Variants in MTFR1 observed in about 807,000 individuals in gnomAD.
MTFR1 encodes chondrocyte protein with a poly-proline region.
Under a neutral mutation model 38.8 loss-of-function variants are expected in MTFR1, and 28 were observed. The ratio of observed to expected loss-of-function variants is 0.72; its 90% CI spans 0.53 to 0.99. The LOEUF is 0.99. Ranked by LOEUF, MTFR1 falls within the 50% of genes least tolerant of loss-of-function variation. The pLI, the probability that MTFR1 is intolerant of heterozygous loss-of-function variation, is 0.00. For missense variants in MTFR1, 358 were observed against 395.5 expected (o/e 0.91, Z 0.81); for synonymous variants, 145 against 137.0 (o/e 1.06, Z -0.41).
At chr8:65,681,163 C>T (rs1406710333) in intron 2 of MTFR1, among the ~76,000 whole-genome samples, 6 of 151,984 alleles carry the variant, frequency 3.9e-5, no homozygotes, top group Admixed American at 2.6e-4. Context: ...CCACCCGCCT[C>T]GGCCTCCCAA....
intron 6 of MTFR1, 81 bp from the exon 7 acceptor site, chr8:65,707,762 A>G (rs532211403): frequency 2.0e-6 from 3 of 1,534,688 alleles, no homozygotes; most frequent in African/African-American, 2.7e-5. Context: ...AGGTGCTGTC[A>G]GGCAAAAGGT....
chr8:65,731,966 A>ATATTATTAT (rs137999443), intron 3 of MTFR1, among the ~76,000 whole-genome samples: 1 of 151,062 alleles, frequency 6.6e-6, no homozygotes, highest in African/African-American at 2.4e-5. Context: ...GTCATTCTCT[A>ATATTATTAT]TATTATTATT....
At chr8:65,664,610 G>GTTTTT in intron 1 of MTFR1, among the ~76,000 whole-genome samples, 1 of 129,786 alleles carries the variant, frequency 7.7e-6, no homozygotes. Flanking sequence ...GTTTTCCTTT[G>GTTTTT]TTTTTTTTTT....
intron 1 of MTFR1, among the ~76,000 whole-genome samples, chr8:65,655,970 C>CTATATATATATATAT (rs1809252480): frequency 3.7e-5 from 2 of 53,636 alleles, no homozygotes; most frequent in Admixed American, 2.6e-4. Flanking sequence ...ATATATATAC[C>CTATATATATATATAT]ATATATATAT....
downstream of MTFR1, among the ~76,000 whole-genome samples, chr8:65,710,958 A>C: frequency 6.6e-6 from 1 of 150,864 alleles, no homozygotes; most frequent in East Asian, 2.0e-4. Context: ...GTTTTGTCTG[A>C]GTTCTGATTG....
In MTFR1 at chr8:65,692,642, C is replaced by CT. The variant is rs1258719290; in HGVS notation, c.166-991dup. Among the ~76,000 whole-genome samples, 228 of 145,038 alleles carry CT rather than the reference C, an allele frequency of 1.6e-3. 1 individual carries two copies. Among genetic ancestry groups the CT allele is most frequent in the Middle Eastern group, 3.6e-3 (1 of 274 alleles). On this transcript the variant is annotated intron_variant, in intron 3 of 7. Coordinates refer to ENST00000262146, the MANE Select transcript of MTFR1 (RefSeq NM_014637.4). ...GGCAGGAACCACTGCACCTGGCTGT[C>CT]TTTTTTTTTTTGTATTTATTTCAAA... is the stretch of plus-strand genomic sequence containing the variant.
chr8:65,663,595 C>T (rs1230701799), intron 1 of MTFR1, among the ~76,000 whole-genome samples: 3 of 149,536 alleles, frequency 2.0e-5, no homozygotes, highest in Non-Finnish European at 1.5e-5. Flanking sequence ...TCTCAAAATA[C>T]CCCCAAAATG....
chr8:65,725,634 T>A (rs530738230), intron 3 of MTFR1: 57 of 152,270 alleles, frequency 3.7e-4, no homozygotes, highest in African/African-American at 1.3e-3. Context: ...CCATAGCAAA[T>A]ACTATCTCTG....
chr8:65,764,703 A>T (rs181130163), intron 3 of MTFR1, among the ~76,000 whole-genome samples: 7 of 152,364 alleles, frequency 4.6e-5, no homozygotes, highest in Admixed American at 3.9e-4. Flanking sequence ...AGCTTTTAAG[A>T]AACATCTTCT....
intron 1 of MTFR1, among the ~76,000 whole-genome samples, chr8:65,658,698 T>A (rs888824233): frequency 5.3e-5 from 8 of 152,190 alleles, no homozygotes; most frequent in Non-Finnish European, 7.3e-5. Context: ...GCAATTTTTT[T>A]AAAAACCTTA....
chr8:65,649,309 C>T lies in MTFR1; in HGVS notation c.-81+4525C>T, dbSNP rs145759929. Among the ~76,000 whole-genome samples, 503 of 152,132 alleles carry T rather than the reference C, an allele frequency of 3.3e-3. 3 individuals are homozygous for T. The highest frequency in any genetic ancestry group is 0.011 in the African/African-American group (476 of 41,496). On this transcript the variant is annotated intron_variant, in intron 1 of 7. Coordinates refer to ENST00000262146, the MANE Select transcript of MTFR1 (RefSeq NM_014637.4). Reference sequence around the variant, plus strand: ...AAGTGATTCTCCAGCTTCAGCCTCCCGAGTAGCTGGGATTACAGGACCCCG... The same window carrying T: ...AAGTGATTCTCCAGCTTCAGCCTCCTGAGTAGCTGGGATTACAGGACCCCG...
chr8:65,741,700 A>C (rs1470712575), intron 3 of MTFR1, among the ~76,000 whole-genome samples: 1 of 152,260 alleles, frequency 6.6e-6, no homozygotes, highest in East Asian at 1.9e-4. Context: ...GAAGTGAACA[A>C]CGTGTCTGTT....
At chr8:65,655,767 T>C (rs1316417733) in intron 1 of MTFR1, among the ~76,000 whole-genome samples, 5 of 150,856 alleles carry the variant, frequency 3.3e-5, no homozygotes, top group Admixed American at 6.6e-5. Context: ...CTGGCCAACA[T>C]TGTGAAACCC....
chr8:65,661,608 G>C (rs1809416034), intron 1 of MTFR1, among the ~76,000 whole-genome samples: 1 of 152,070 alleles, frequency 6.6e-6, no homozygotes, highest in Non-Finnish European at 1.5e-5. Context: ...CAGCCTGGGT[G>C]ACAGAGCGAG....
intron 1 of MTFR1, among the ~76,000 whole-genome samples, chr8:65,654,436 T>C (rs1809202838): frequency 6.6e-6 from 1 of 152,242 alleles, no homozygotes; most frequent in Non-Finnish European, 1.5e-5. Context: ...CATTTCCCTA[T>C]TGATGGTCAT....
intron 3 of MTFR1, chr8:65,735,022 G>A (rs942262629): frequency 2.3e-5 from 15 of 642,042 alleles, no homozygotes; most frequent in East Asian, 5.4e-5. Context: ...GTGCCGATTC[G>A]GGCAGATGAT....
the MTFR1 span, among the ~76,000 whole-genome samples, chr8:65,777,969 T>C: frequency 6.6e-6 from 1 of 152,230 alleles, no homozygotes; most frequent in Non-Finnish European, 1.5e-5. Flanking sequence ...TTCTCAGCCA[T>C]TGCTTCTTTA....
chr8:65,757,028 C>G (rs536730696), intron 3 of MTFR1, among the ~76,000 whole-genome samples: 1 of 152,284 alleles, frequency 6.6e-6, no homozygotes, highest in African/African-American at 2.4e-5. Flanking sequence ...TCTCCAGGAA[C>G]CTGCAGGTGT....
chr8:65,747,259 G>C (rs1807715444), intron 3 of MTFR1, among the ~76,000 whole-genome samples: 1 of 152,118 alleles, frequency 6.6e-6, no homozygotes, highest in African/African-American at 2.4e-5. Flanking sequence ...TAACCAGCTG[G>C]GTGGGCGCAA....
Sources: gnomAD v4.1 joint callset for allele counts (sites outside exome capture counted in the v4.1 genomes callset) on GRCh38, gnomAD v4.1.1 for gene constraint, MANE v1.5 for transcripts, NCBI Gene and HGNC (gene_info 2026-07-23, HGNC 2026-07-21) for gene names.